Variants in RICTOR observed in about 807,000 individuals in gnomAD.
RICTOR encodes rapamycin-insensitive companion of mTOR.
A neutral mutation model predicts 214.9 loss-of-function variants in RICTOR; 49 were observed. The ratio of observed to expected loss-of-function variants is 0.23; its 90% CI spans 0.18 to 0.29. RICTOR has a LOEUF of 0.29. Ranked by LOEUF, RICTOR falls within the 10% of genes least tolerant of loss-of-function variation. RICTOR has a pLI of 1.00. For synonymous variants in RICTOR, 717 were observed against 711.3 expected (o/e 1.01, Z -0.13); for missense variants, 1,625 against 2,047.0 (o/e 0.79, Z 3.98).
chr5:38,992,472 AGAGTT>A (rs1279566450), intron 6 of RICTOR, among the ~76,000 whole-genome samples: 2 of 152,180 alleles, frequency 1.3e-5, no homozygotes. Context: ...AATGGTTTTT[AGAGTT>A]AAGTCTGCTA....
In RICTOR at chr5:39,064,942, T is replaced by C. The variant is rs182028797; in HGVS notation, c.97+9169A>G. Among the ~76,000 whole-genome samples, 10 of 152,308 alleles carry C rather than the reference T, an allele frequency of 6.6e-5. No homozygotes were observed. In the East Asian group the frequency reaches 1.7e-3, roughly 26 times the overall value. ...GGAAATTGAAGCCAGAGAGGTTAAATAGCATGCCATATCTTCCTCAGATTA... is the reference window on the plus strand; with the variant it reads ...GGAAATTGAAGCCAGAGAGGTTAAACAGCATGCCATATCTTCCTCAGATTA... On this transcript the variant is annotated intron_variant, in intron 2 of 37. Transcript: ENST00000357387.
At chr5:38,974,409 C>A in intron 10 of RICTOR, among the ~76,000 whole-genome samples, 1 of 152,054 alleles carries the variant, frequency 6.6e-6, no homozygotes, top group Non-Finnish European at 1.5e-5. Context: ...TGTTTAAGAG[C>A]AATAAGGAAA....
At chr5:38,985,953 T>C (rs1185456693) in intron 7 of RICTOR, among the ~76,000 whole-genome samples, 1 of 152,184 alleles carries the variant, frequency 6.6e-6, no homozygotes, top group Non-Finnish European at 1.5e-5. Flanking sequence ...GCCCCCGGCC[T>C]CCCAAAGTGC....
intron 12 of RICTOR, 144 bp from the exon 13 acceptor site, chr5:38,967,571 A>G (rs1373213982): frequency 1.6e-6 from 1 of 625,202 alleles, no homozygotes; most frequent in African/African-American, 1.9e-5. Context: ...TACAGACAAA[A>G]ATTAGTTATG....
At chr5:39,065,142 C>CTAT (rs1561082331) in intron 2 of RICTOR, among the ~76,000 whole-genome samples, 1 of 152,152 alleles carries the variant, frequency 6.6e-6, no homozygotes, top group East Asian at 1.9e-4. Context: ...TTTCTGCAGC[C>CTAT]TATACAGGAA....
chr5:38,949,630 T>A, intron 31 of RICTOR, 82 bp downstream of exon 31: 1 of 1,271,116 alleles, frequency 7.9e-7, no homozygotes, highest in Non-Finnish European at 1.1e-6. Context: ...GCTCACATAG[T>A]GTAAAACCTG....
intron 2 of RICTOR, among the ~76,000 whole-genome samples, chr5:39,024,442 A>G (rs1755657801): frequency 6.6e-6 from 1 of 152,224 alleles, no homozygotes; most frequent in African/African-American, 2.4e-5. Flanking sequence ...TATAAATTGT[A>G]TCTGTTTGAA....
Position 38,938,016 on chromosome 5 carries a change from T to C in RICTOR, c.*4288A>G, listed in dbSNP as rs2112736709. 1 of 199,984 alleles carries C rather than the reference T, an allele frequency of 5.0e-6. No homozygotes were observed. Among genetic ancestry groups the C allele is most frequent in the South Asian group, 1.9e-4 (1 of 5,238 alleles). The allele number at this position is 199,984 out of a possible 1,614,324, so 12.4% of individuals were successfully genotyped here. A position where few individuals can be genotyped will look rare whatever the true frequency, so the allele number is the denominator to read the frequency against. Reference sequence around the variant, plus strand: ...TGCCCTTGACATAAACTATACACATTATACAAAAACAAGAAAATCACAACA... The same window carrying C: ...TGCCCTTGACATAAACTATACACATCATACAAAAACAAGAAAATCACAACA... On this transcript the variant is annotated 3_prime_UTR_variant, in exon 38 of 38. Transcript: ENST00000357387.
chr5:38,969,672 T>A, intron 11 of RICTOR: 1 of 146,206 alleles, frequency 6.8e-6, no homozygotes, highest in African/African-American at 2.5e-5. Context: ...TTTAATTTTT[T>A]TTTTTTTTTT....
chr5:39,065,434 T>C (rs902011947), intron 2 of RICTOR, among the ~76,000 whole-genome samples: 3 of 152,114 alleles, frequency 2.0e-5, no homozygotes, highest in South Asian at 2.1e-4. Flanking sequence ...GGGACAAATA[T>C]CCAAACTGTA....
At chr5:38,997,389 A>T (rs959009028) in intron 5 of RICTOR, among the ~76,000 whole-genome samples, 1 of 152,204 alleles carries the variant, frequency 6.6e-6, no homozygotes, top group Non-Finnish European at 1.5e-5. Flanking sequence ...AAATAGCACC[A>T]AACTGACATT....
At chr5:38,990,326 A>C (rs1752491072) in intron 7 of RICTOR, among the ~76,000 whole-genome samples, 1 of 151,280 alleles carries the variant, frequency 6.6e-6, no homozygotes. Flanking sequence ...GGAACATCAC[A>C]CACCGGGGCC....
At chr5:39,074,259 G>A (rs1035534232) in intron 1 of RICTOR, 70 bp downstream of exon 1, 6 of 1,581,636 alleles carry the variant, frequency 3.8e-6, no homozygotes, top group Non-Finnish European at 5.2e-6. Flanking sequence ...CCAACCCAGG[G>A]CCAGGGGAAG....
At chr5:39,053,376 T>C (rs183283200) in intron 2 of RICTOR, among the ~76,000 whole-genome samples, 27 of 152,256 alleles carry the variant, frequency 1.8e-4, no homozygotes, top group Non-Finnish European at 3.4e-4. Context: ...CTGAGGATTA[T>C]GAACCCTCAG....
chr5:39,009,755 A>G (rs1449232672), intron 3 of RICTOR, among the ~76,000 whole-genome samples: 1 of 152,196 alleles, frequency 6.6e-6, no homozygotes, highest in Non-Finnish European at 1.5e-5. Context: ...ATAAATTCAC[A>G]TATATATTGG....
intron 2 of RICTOR, among the ~76,000 whole-genome samples, chr5:39,028,600 T>A (rs1231408677): frequency 6.6e-6 from 1 of 152,224 alleles, no homozygotes; most frequent in Non-Finnish European, 1.5e-5. Context: ...TAGAAATACA[T>A]GCCCACAAAT....
At chr5:39,016,707 T>C (rs1317225847) in intron 3 of RICTOR, among the ~76,000 whole-genome samples, 1 of 152,124 alleles carries the variant, frequency 6.6e-6, no homozygotes, top group African/African-American at 2.4e-5. Context: ...GTTCAACAGA[T>C]TCCTAGAAAT....
rs551282093 is a variant in RICTOR, at chr5:38,975,587, C to A, written c.839G>T (p.Arg280Leu). The change falls in exon 10 of 38, where the codon CGA (arginine) becomes CTA (leucine). Residue 280 changes from arginine to leucine, a missense_variant. By Grantham distance (102) the Arg-to-Leu change is moderately radical (BLOSUM62 -2). Transcript: ENST00000357387. ...EGQLKEDREA[R>L]FLASKMGIIA... ...GATTCCCATTTTACTGGCTAGAAAT[C>A]GTGCTTCTCTGTCTTCTCTGTTGGG... 6.2e-7 allele frequency: 1 copy of A among 1,613,592 alleles called. No homozygotes were observed. Among genetic ancestry groups the A allele is most frequent in the African/African-American group, 1.3e-5 (1 of 74,902 alleles).
At chr5:39,040,034 A>C (rs1169240711) in intron 2 of RICTOR, among the ~76,000 whole-genome samples, 1 of 152,164 alleles carries the variant, frequency 6.6e-6, no homozygotes, top group Admixed American at 6.5e-5. Flanking sequence ...TTACTGCAGC[A>C]CTATTCGCAA....
Sources: allele counts gnomAD v4.1 joint callset (sites outside exome capture counted in the v4.1 genomes callset), GRCh38; gene constraint gnomAD v4.1.1; transcripts MANE v1.5; gene names NCBI Gene and HGNC (gene_info 2026-07-23, HGNC 2026-07-21).